Variants in DIP2C observed in about 807,000 individuals in gnomAD.
The protein encoded by DIP2C is DIP2 acetate--CoA ligase C (putative).
A neutral mutation model predicts 192.4 loss-of-function variants in DIP2C; 33 were observed. The ratio of observed to expected loss-of-function variants is 0.17; its 90% CI spans 0.13 to 0.23. DIP2C has a LOEUF of 0.23. Ranked by LOEUF, DIP2C falls within the 10% of genes least tolerant of loss-of-function variation. The pLI is 1.00. For missense variants in DIP2C, 1,537 were observed against 2,110.1 expected (o/e 0.73, Z 5.32); for synonymous variants, 979 against 864.1 (o/e 1.13, Z -2.33).
chr10:673,158 CT>C lies in DIP2C; in HGVS notation c.85+16335del, dbSNP rs1466657100. Among the ~76,000 whole-genome samples, 6 of 152,270 alleles carry C rather than the reference CT, an allele frequency of 3.9e-5. No individual in the cohort carries two copies. The East Asian group carries it at 1.2e-3, about 29-fold the overall frequency. On this transcript the variant is annotated intron_variant, in intron 1 of 36. Coordinates refer to ENST00000280886, the MANE Select transcript of DIP2C (RefSeq NM_014974.3). ...AGCACCCAGGATGGCTGTGGAGCTCCTGCCGCCCACCCCAGAGGTGAGGCTG... is the reference window on the plus strand; with the variant it reads ...AGCACCCAGGATGGCTGTGGAGCTCCGCCGCCCACCCCAGAGGTGAGGCTG...
At chr10:465,037 T>G (rs867363533) in intron 3 of DIP2C, among the ~76,000 whole-genome samples, 2 of 148,232 alleles carry the variant, frequency 1.3e-5, no homozygotes, top group African/African-American at 5.0e-5. Flanking sequence ...ACTCATTTTA[T>G]GAGGCCAGCA....
intron 32 of DIP2C, among the ~76,000 whole-genome samples, chr10:302,026 C>CT (rs753015303): frequency 1.3e-5 from 2 of 152,186 alleles, no homozygotes; most frequent in Non-Finnish European, 2.9e-5. Flanking sequence ...GAAAGCCCTA[C>CT]TGTCCCTTAC....
chr10:598,028 C>T (rs73588172), intron 1 of DIP2C, among the ~76,000 whole-genome samples: 1,716 of 152,356 alleles, frequency 0.011, 38 homozygotes, highest in African/African-American at 0.038. Context: ...CATCATTAAA[C>T]GTTTAGGAGG....
Position 319,918 on chromosome 10 carries a change from T to C in DIP2C, c.3924+7088A>G, listed in dbSNP as rs922726377. Among the ~76,000 whole-genome samples, 3 of 152,328 alleles carry C rather than the reference T, an allele frequency of 2.0e-5. No homozygotes were observed. The East Asian group carries it at 5.8e-4, about 29-fold the overall frequency. On this transcript the variant is annotated intron_variant, in intron 31 of 36. Coordinates refer to ENST00000280886, the MANE Select transcript of DIP2C (RefSeq NM_014974.3). ...TTCCCTTAAAGAGCATGGGAAGACC[T>C]AACTAGATGCTGTCTGAATCCAATG...
intron 1 of DIP2C, among the ~76,000 whole-genome samples, chr10:571,013 G>A (rs1849763058): frequency 6.6e-6 from 1 of 152,166 alleles, no homozygotes; most frequent in Non-Finnish European, 1.5e-5. Flanking sequence ...CCAGCGCCCT[G>A]GGCTGCGGCT....
intron 2 of DIP2C, among the ~76,000 whole-genome samples, chr10:483,036 T>C (rs1359427243): frequency 6.6e-6 from 1 of 152,194 alleles, no homozygotes; most frequent in Non-Finnish European, 1.5e-5. Flanking sequence ...AGGCAGGTGC[T>C]CAGCACCAAC....
In DIP2C at chr10:472,357, G is replaced by T; in HGVS notation, c.268+82C>A. 4.5e-6 allele frequency: 6 copies of T among 1,340,546 alleles called. No homozygotes were observed. The Admixed American group carries it at 7.1e-5, about 16-fold the overall frequency. The allele number at this position is 1,340,546 out of a possible 1,614,324, so 83.0% of individuals were successfully genotyped here. A position where few individuals can be genotyped will look rare whatever the true frequency, so the allele number is the denominator to read the frequency against. On this transcript the variant is annotated intron_variant, in intron 3 of 36. Transcript: ENST00000280886. ...GCAGGTCCACGCCCACTGCACTTCT[G>T]CCTCGCCCAGTGGCTGGGCACAGGC...
chr10:616,572 A>G (rs1233381692), intron 1 of DIP2C, among the ~76,000 whole-genome samples: 1 of 152,184 alleles, frequency 6.6e-6, no homozygotes, highest in African/African-American at 2.4e-5. Flanking sequence ...GAGCCCCAAC[A>G]GCCCCTCGCC....
chr10:527,843 T>TC (rs1287447251), intron 1 of DIP2C, among the ~76,000 whole-genome samples: 1 of 152,218 alleles, frequency 6.6e-6, no homozygotes, highest in African/African-American at 2.4e-5. Context: ...CAGCCATCCT[T>TC]CCCGTCCCTG....
chr10:363,492 G>A lies in DIP2C; in HGVS notation c.2478-181C>T, dbSNP rs541942545. On this transcript the variant is annotated intron_variant, in intron 20 of 36. Coordinates refer to ENST00000280886, the MANE Select transcript of DIP2C (RefSeq NM_014974.3). This position sits in a 1 kb window ranked among gnomAD's most constrained non-coding sequence, Gnocchi z 5.4. ...CAGTACGGGAAGAACTGTGGGAGGC[G>A]CCCAGGGATGCTGCCGAGGCAAGGT... Among the ~76,000 whole-genome samples the A allele has an allele frequency of 8.5e-5, 13 of 152,274 alleles. No homozygotes were observed. Among genetic ancestry groups the A allele is most frequent in the Admixed American group, 7.2e-4 (11 of 15,312 alleles).
intron 1 of DIP2C, among the ~76,000 whole-genome samples, chr10:567,864 C>T (rs141320984): frequency 0.011 from 1,725 of 151,826 alleles, 17 homozygotes; most frequent in Non-Finnish European, 0.015. Flanking sequence ...TCCTGACCTC[C>T]GGTGATCCAC....
rs537588871 is a variant in DIP2C, at chr10:561,830, CTT to C, written c.86-75302_86-75301del. Among the ~76,000 whole-genome samples the C allele has an allele frequency of 4.5e-4, 68 of 152,326 alleles. No homozygotes were observed. The East Asian group carries it at 0.012, about 27-fold the overall frequency. ...GGCAAATACTCATGAAATTAATACA[CTT>C]TTTCCTCCTTAGATACTGACAATTC... On this transcript the variant is annotated intron_variant, in intron 1 of 36. Transcript: ENST00000280886.
Position 416,013 on chromosome 10 carries a change from C to T in DIP2C, c.740-125G>A. The T allele has an allele frequency of 2.1e-6, 3 of 1,429,984 alleles. 1 individual carries two copies. Among genetic ancestry groups the T allele is most frequent in the Middle Eastern group, 2.1e-4 (1 of 4,730 alleles). The allele number at this position is 1,429,984 out of a possible 1,614,324, so 88.6% of individuals were successfully genotyped here. On this transcript the variant is annotated intron_variant, in intron 6 of 36. Coordinates refer to ENST00000280886, the MANE Select transcript of DIP2C (RefSeq NM_014974.3). ...AACAGGCTGCATCCTAGATGCGATC[C>T]TGGGAAGGGCCCGAGGTGATCATGC...
chr10:325,806 A>C (rs1957245707), intron 31 of DIP2C, among the ~76,000 whole-genome samples: 1 of 152,206 alleles, frequency 6.6e-6, no homozygotes, highest in Non-Finnish European at 1.5e-5. Context: ...GAAATTTGGT[A>C]ATTTATAATT....
At position 274,417 on chromosome 10, in the gene DIP2C, G is replaced by A. The variant is rs757985373; in HGVS notation, c.*2908C>T. ...TCACTTCCTTCCCGGGATTAAAGCT[G>A]TCCCAGACATCTTTCCAGGGGACCA... is the stretch of plus-strand genomic sequence containing the variant. On this transcript the variant is annotated 3_prime_UTR_variant, in exon 37 of 37. Coordinates refer to ENST00000280886, the MANE Select transcript of DIP2C (RefSeq NM_014974.3). The A allele has an allele frequency of 6.6e-5, 10 of 152,150 alleles. No individual in the cohort carries two copies. Among genetic ancestry groups the A allele is most frequent in the Non-Finnish European group, 1.3e-4 (9 of 68,022 alleles). The allele number at this position is 152,150 out of a possible 1,614,324, so 9.4% of individuals were successfully genotyped here.
intron 14 of DIP2C, among the ~76,000 whole-genome samples, chr10:385,616 T>C (rs1038891429): frequency 6.6e-6 from 1 of 152,150 alleles, no homozygotes; most frequent in African/African-American, 2.4e-5. Context: ...TTACTACTTC[T>C]GACAAAAATA....
At chr10:326,968 C>T in intron 31 of DIP2C, 38 bp downstream of exon 31, 1 of 1,586,024 alleles carries the variant, frequency 6.3e-7, no homozygotes, top group South Asian at 1.2e-5. Context: ...CCGGGAGCCA[C>T]ACTTCCCACT....
At chr10:565,354 T>TAAAATAAAA (rs376030794) in intron 1 of DIP2C, among the ~76,000 whole-genome samples, 8 of 114,136 alleles carry the variant, frequency 7.0e-5, no homozygotes, top group African/African-American at 1.5e-4. Flanking sequence ...ACCTGCATTC[T>TAAAATAAAA]AAAAAAAAAA....
At chr10:604,595 A>G (rs1202914256) in intron 1 of DIP2C, among the ~76,000 whole-genome samples, 3 of 152,270 alleles carry the variant, frequency 2.0e-5, no homozygotes, top group Non-Finnish European at 2.9e-5. Flanking sequence ...ATCAAATATA[A>G]GGAGCTTTCA....
Sources: allele counts gnomAD v4.1 joint callset (sites outside exome capture counted in the v4.1 genomes callset), GRCh38; gene constraint gnomAD v4.1.1; non-coding constraint Gnocchi (gnomAD v3.1); transcripts MANE v1.5; gene names NCBI Gene and HGNC (gene_info 2026-07-23, HGNC 2026-07-21).